PPP4R3B: variants seen among roughly 807,000 people sequenced by gnomAD.
PPP4R3B encodes the protein protein phosphatase 4 regulatory subunit 3B.
A neutral mutation model predicts 95.4 loss-of-function variants in PPP4R3B; 52 were observed. That is an observed-to-expected ratio of 0.54 (90% confidence interval 0.44 to 0.69). The LOEUF is 0.69. Ranked by LOEUF, PPP4R3B falls within the 30% of genes least tolerant of loss-of-function variation. PPP4R3B has a pLI of 0.00. For missense variants in PPP4R3B, 1,003 were observed against 1,005.9 expected (o/e 1.00, Z 0.04); for synonymous variants, 407 against 343.9 (o/e 1.18, Z -2.03).
intron 16 of PPP4R3B, among the ~76,000 whole-genome samples, chr2:55,557,063 A>AACAACGACGACG (rs1479931092): frequency 2.3e-4 from 34 of 146,514 alleles, no homozygotes; most frequent in African/African-American, 8.4e-4. Context: ...ACTCTGTAAC[A>AACAACGACGACG]ACAACGACGA....
chr2:55,593,314 C>A (rs892452030), intron 4 of PPP4R3B, among the ~76,000 whole-genome samples: 2 of 152,194 alleles, frequency 1.3e-5, no homozygotes, highest in Admixed American at 6.5e-5. Flanking sequence ...TATTAGCACA[C>A]ATACTAGGAG....
At position 55,548,466 on chromosome 2, in the gene PPP4R3B, A is replaced by T. The variant is rs1320932728; in HGVS notation, c.*1445T>A. The T allele has an allele frequency of 2.0e-5, 3 of 152,684 alleles. No individual in the cohort carries two copies. Among genetic ancestry groups the T allele is most frequent in the African/African-American group, 4.8e-5 (2 of 41,472 alleles). 9.5% of individuals were successfully genotyped at this position (152,684 alleles called of 1,614,324 possible). A position where few individuals can be genotyped will look rare whatever the true frequency, so the allele number is the denominator to read the frequency against. On this transcript the variant is annotated 3_prime_UTR_variant, in exon 17 of 17. Coordinates refer to ENST00000616407, the MANE Select transcript of PPP4R3B (RefSeq NM_001122964.3). ...TATACAAATGGTGTAAAACAAGTAC[A>T]GTGGTATTTTTTAATACAAAATAAA...
At chr2:55,600,686 G>C (rs1193686503) in intron 3 of PPP4R3B, among the ~76,000 whole-genome samples, 1 of 152,020 alleles carries the variant, frequency 6.6e-6, no homozygotes. Context: ...AGTTAACTTT[G>C]CTGGGCTATC....
intron 2 of PPP4R3B, among the ~76,000 whole-genome samples, chr2:55,611,325 C>G (rs779453240): frequency 6.6e-6 from 1 of 152,158 alleles, no homozygotes; most frequent in Non-Finnish European, 1.5e-5. Flanking sequence ...CCACACCTGG[C>G]TTTGACTCTG....
chr2:55,558,055 T>C (rs1426428961), intron 16 of PPP4R3B, among the ~76,000 whole-genome samples: 1 of 152,158 alleles, frequency 6.6e-6, no homozygotes, highest in Admixed American at 6.5e-5. Flanking sequence ...TGAGATATTA[T>C]ATACTGTCTC....
intron 4 of PPP4R3B, among the ~76,000 whole-genome samples, chr2:55,597,744 C>T (rs925254548): frequency 6.6e-6 from 1 of 151,982 alleles, no homozygotes; most frequent in African/African-American, 2.4e-5. Flanking sequence ...GAGGTTGCGG[C>T]GAGCTGAGAT....
Position 55,598,730 on chromosome 2 carries a change from A to G in PPP4R3B, c.607T>C (p.Phe203Leu). The G allele has an allele frequency of 6.2e-7, 1 of 1,614,246 alleles. No homozygotes were observed. The highest frequency in any genetic ancestry group is 8.5e-7 in the Non-Finnish European group (1 of 1,180,048). ...TCAAAAAGAGTTGCCTTATTTAGGA[A>G]TAAGATTCCTCTAATAATTTCATAC... The part of the protein sequence containing the change: ...HLYEIIRGIL[F>L]LNKATLFEVM... The change falls in exon 4 of 17, where the codon TTC becomes CTC. Residue 203 changes from phenylalanine to leucine, a missense_variant. By Grantham distance (22) the Phe-to-Leu change is conservative. Transcript: ENST00000616407.
intron 2 of PPP4R3B, among the ~76,000 whole-genome samples, chr2:55,611,363 C>T (rs1247879560): frequency 6.6e-6 from 1 of 152,104 alleles, no homozygotes; most frequent in East Asian, 1.9e-4. Context: ...ATCAGTGGGA[C>T]TGATTTGAAG....
chr2:55,596,754 G>A (rs140120917), intron 4 of PPP4R3B, among the ~76,000 whole-genome samples: 5,523 of 152,272 alleles, frequency 0.036, 142 homozygotes, highest in South Asian at 0.091. Flanking sequence ...CCTGAGGTCA[G>A]GAGTTTGAGA....
intron 16 of PPP4R3B, among the ~76,000 whole-genome samples, chr2:55,551,386 T>G (rs2103742674): frequency 6.6e-6 from 1 of 151,826 alleles, no homozygotes; most frequent in East Asian, 2.0e-4. Flanking sequence ...GGCAAGTGGT[T>G]TAATACCTCT....
chr2:55,578,636 C>A (rs969150479), intron 9 of PPP4R3B, among the ~76,000 whole-genome samples: 1 of 151,946 alleles, frequency 6.6e-6, no homozygotes, highest in Non-Finnish European at 1.5e-5. Context: ...ATATTTTATT[C>A]ATTTTCCTAC....
intron 4 of PPP4R3B, among the ~76,000 whole-genome samples, chr2:55,589,692 G>C (rs1690688992): frequency 6.6e-6 from 1 of 151,820 alleles, no homozygotes; most frequent in Non-Finnish European, 1.5e-5. Context: ...GAGGCGGGCG[G>C]ATCACGAGGT....
intron 2 of PPP4R3B, among the ~76,000 whole-genome samples, chr2:55,607,278 CTG>C (rs1693550518): frequency 6.6e-6 from 1 of 152,180 alleles, no homozygotes. Flanking sequence ...ACCTTCGACA[CTG>C]TTTACCCGGA....
chr2:55,556,304 A>C (rs1685838627), intron 16 of PPP4R3B, among the ~76,000 whole-genome samples: 1 of 152,218 alleles, frequency 6.6e-6, no homozygotes, highest in Non-Finnish European at 1.5e-5. Context: ...TGTATTCTGT[A>C]ATCTGCTGTT....
chr2:55,595,724 A>C (rs1691673270), intron 4 of PPP4R3B, among the ~76,000 whole-genome samples: 1 of 136,014 alleles, frequency 7.4e-6, no homozygotes, highest in African/African-American at 2.6e-5. Flanking sequence ...TATGTTCTTT[A>C]AGCAAAAGTA....
At chr2:55,579,655 A>C in intron 9 of PPP4R3B, 24 bp downstream of exon 9, 1 of 1,450,080 alleles carries the variant, frequency 6.9e-7, no homozygotes, top group Non-Finnish European at 9.3e-7. Flanking sequence ...CAGAAATCAC[A>C]GCAGATAAAT....
intron 7 of PPP4R3B, among the ~76,000 whole-genome samples, chr2:55,584,315 T>C (rs1396706728): frequency 6.6e-6 from 1 of 152,168 alleles, no homozygotes; most frequent in East Asian, 1.9e-4. Context: ...GAAAACACAA[T>C]ATTGGTCTCA....
At position 55,617,303 on chromosome 2, in the gene PPP4R3B, C is replaced by G; in HGVS notation, c.-18G>C. The stretch of plus-strand genomic sequence containing the variant: ...TCCGACATGGTGGCTGCTGTCTCCA[C>G]CGCTCTAGCCGCCGCCTCCTCGCTT... On this transcript the variant is annotated 5_prime_UTR_variant, in exon 1 of 17. Coordinates refer to ENST00000616407, the MANE Select transcript of PPP4R3B (RefSeq NM_001122964.3). 2 of 1,574,580 alleles carry G rather than the reference C, an allele frequency of 1.3e-6. No homozygotes were observed. The highest frequency in any genetic ancestry group is 2.3e-5 in the South Asian group (2 of 88,018).
chr2:55,610,976 C>T (rs1265806394), intron 2 of PPP4R3B, among the ~76,000 whole-genome samples: 1 of 151,842 alleles, frequency 6.6e-6, no homozygotes, highest in African/African-American at 2.4e-5. Flanking sequence ...AGCAATTCTC[C>T]CACCTCAGAT....
Sources: gnomAD v4.1 joint callset for allele counts (sites outside exome capture counted in the v4.1 genomes callset) on GRCh38, gnomAD v4.1.1 for gene constraint, MANE v1.5 for transcripts, NCBI Gene and HGNC (gene_info 2026-07-23, HGNC 2026-07-21) for gene names.